CACNA2D1: variants seen among roughly 807,000 people sequenced by gnomAD.
The protein encoded by CACNA2D1 is voltage-dependent calcium channel subunit alpha-2/delta-1.
A neutral mutation model predicts 171.5 loss-of-function variants in CACNA2D1; 53 were observed. That is an observed-to-expected ratio of 0.31 (90% CI 0.25 to 0.39). CACNA2D1 has a LOEUF of 0.39. CACNA2D1 is among the 10% of genes least tolerant of loss of function. CACNA2D1 has a pLI of 1.00. For synonymous variants in CACNA2D1, 442 were observed against 443.1 expected (o/e 1.00, Z 0.03); for missense variants, 903 against 1,299.8 (o/e 0.69, Z 4.69).
intron 6 of CACNA2D1, among the ~76,000 whole-genome samples, chr7:82,096,006 T>C (rs1425704954): frequency 6.6e-6 from 1 of 152,236 alleles, no homozygotes; most frequent in East Asian, 1.9e-4. Context: ...TGAAGCTTCT[T>C]GTTAAGTATT....
At chr7:82,225,265 A>T (rs139011041) in intron 3 of CACNA2D1, among the ~76,000 whole-genome samples, 13 of 152,344 alleles carry the variant, frequency 8.5e-5, no homozygotes, top group African/African-American at 2.9e-4. Flanking sequence ...GTAGAAATTA[A>T]GAACTAGGTT....
rs983597469 is a variant in CACNA2D1, at chr7:82,240,890, C to A, written c.295-70281G>T. On this transcript the variant is annotated intron_variant, in intron 3 of 38. Transcript: ENST00000356860. Reference sequence around the variant, plus strand: ...GCTGAGGCAGGAGAATCACTTGAACCCGAGAGGTGGAGGTTGCAGTGAGCC... The same window carrying A: ...GCTGAGGCAGGAGAATCACTTGAACACGAGAGGTGGAGGTTGCAGTGAGCC... Among the ~76,000 whole-genome samples, 3 of 151,998 alleles carry A rather than the reference C, an allele frequency of 2.0e-5. No homozygotes were observed. In the East Asian group the frequency reaches 5.8e-4, roughly 29 times the overall value.
At chr7:82,397,156 T>C (rs1338870045) in intron 1 of CACNA2D1, among the ~76,000 whole-genome samples, 1 of 152,138 alleles carries the variant, frequency 6.6e-6, no homozygotes, top group Non-Finnish European at 1.5e-5. Flanking sequence ...CTAACTCGCT[T>C]TCCCCAAAAG....
intron 25 of CACNA2D1, among the ~76,000 whole-genome samples, chr7:81,974,057 T>C (rs1795579050): frequency 6.6e-6 from 1 of 151,980 alleles, no homozygotes; most frequent in African/African-American, 2.4e-5. Context: ...ATTCTACCCA[T>C]ATTAAAACTC....
intron 3 of CACNA2D1, among the ~76,000 whole-genome samples, chr7:82,332,145 C>T (rs1219028949): frequency 6.6e-6 from 1 of 152,162 alleles, no homozygotes; most frequent in Non-Finnish European, 1.5e-5. Context: ...ACTGCATCCT[C>T]TGCCTCCCGA....
intron 1 of CACNA2D1, among the ~76,000 whole-genome samples, chr7:82,367,351 T>C (rs1821854659): frequency 6.6e-6 from 1 of 152,132 alleles, no homozygotes; most frequent in African/African-American, 2.4e-5. Flanking sequence ...TAACAGTGTC[T>C]GCTCTTTTTT....
In CACNA2D1 at chr7:81,948,013, C is replaced by T. The variant is rs1008429583; in HGVS notation, c.*2379G>A. Reference sequence around the variant, plus strand: ...TGCCAAGAGATGCCAAGTTTAACCGCGATTAATACAATAACAATGTAATTG... The same window carrying T: ...TGCCAAGAGATGCCAAGTTTAACCGTGATTAATACAATAACAATGTAATTG... On this transcript the variant is annotated 3_prime_UTR_variant, in exon 39 of 39. Transcript: ENST00000356860. The T allele has an allele frequency of 1.3e-5, 2 of 151,558 alleles. No homozygotes were observed. Among genetic ancestry groups the T allele is most frequent in the Non-Finnish European group, 3.0e-5 (2 of 67,776 alleles). The allele number at this position is 151,558 out of a possible 1,614,324, so 9.4% of individuals were successfully genotyped here.
At chr7:82,238,904 A>G (rs1310733026) in intron 3 of CACNA2D1, among the ~76,000 whole-genome samples, 1 of 152,086 alleles carries the variant, frequency 6.6e-6, no homozygotes, top group Non-Finnish European at 1.5e-5. Flanking sequence ...CCTTCATTTT[A>G]TTATTCTCAA....
chr7:82,388,783 C>T (rs1385757892), intron 1 of CACNA2D1, among the ~76,000 whole-genome samples: 2 of 152,068 alleles, frequency 1.3e-5, no homozygotes, highest in Non-Finnish European at 2.9e-5. Context: ...ACTTTTATTT[C>T]CAGAACAAAA....
chr7:82,443,408 G>C lies in CACNA2D1; in HGVS notation c.52C>G (p.Leu18Val). 6.2e-7 allele frequency: 1 copy of C among 1,606,744 alleles called. No individual in the cohort carries two copies. Among genetic ancestry groups the C allele is most frequent in the South Asian group, 1.1e-5 (1 of 90,406 alleles). ...GGCTCCTCCGACGAGGGGCCGATGA[G>C]CAAAGATTGGAAAAGTGTCAGAGTC... is the stretch of plus-strand genomic sequence containing the variant. The part of the protein sequence containing the change: ...ALTLTLFQSL[L>V]IGPSSEEPFP... The change falls in exon 1 of 39, where the codon CTC becomes GTC. Residue 18 changes from leucine (L) to valine (V), a missense_variant. By Grantham distance (32) the Leu-to-Val change is conservative. Coordinates refer to ENST00000356860, the MANE Select transcript of CACNA2D1 (RefSeq NM_000722.4).
At chr7:82,092,306 A>G (rs141340373) in intron 6 of CACNA2D1, among the ~76,000 whole-genome samples, 2,709 of 152,278 alleles carry the variant, frequency 0.018, 31 homozygotes, top group Middle Eastern at 0.048. Context: ...AATTTGTAAA[A>G]TAAAGTAGAA....
Position 81,970,988 on chromosome 7 carries a change from G to C in CACNA2D1, c.2142-251C>G, listed in dbSNP as rs1392247536. 6.3e-6 allele frequency: 3 copies of C among 479,546 alleles called. No homozygotes were observed. In the East Asian group the frequency reaches 1.2e-4, roughly 19 times the overall value. The allele number at this position is 479,546 out of a possible 1,614,324, so 29.7% of individuals were successfully genotyped here. A position where few individuals can be genotyped will look rare whatever the true frequency, so the allele number is the denominator to read the frequency against. ...AGTATGAATTGACAGCAATGACACA[G>C]AAAGCAGGAAGGTATCACTTGTAGA... is the stretch of plus-strand genomic sequence containing the variant. On this transcript the variant is annotated intron_variant, in intron 26 of 38. Coordinates refer to ENST00000356860, the MANE Select transcript of CACNA2D1 (RefSeq NM_000722.4).
intron 3 of CACNA2D1, among the ~76,000 whole-genome samples, chr7:82,204,392 G>A (rs1799803369): frequency 6.6e-6 from 1 of 152,188 alleles, no homozygotes; most frequent in African/African-American, 2.4e-5. Flanking sequence ...ACCTAGGGGA[G>A]GAAGGATGAC....
chr7:82,338,923 G>A (rs1392314728), intron 2 of CACNA2D1, among the ~76,000 whole-genome samples: 2 of 152,166 alleles, frequency 1.3e-5, no homozygotes, highest in African/African-American at 4.8e-5. Flanking sequence ...AAAGTGGGAA[G>A]CAGACACCCA....
At chr7:82,265,339 G>A (rs891662621) in intron 3 of CACNA2D1, among the ~76,000 whole-genome samples, 5 of 150,352 alleles carry the variant, frequency 3.3e-5, no homozygotes, top group African/African-American at 1.2e-4. Context: ...TTTTCCTAAA[G>A]CAAGCAAACC....
At chr7:82,018,380 A>C (rs564847714) in intron 12 of CACNA2D1, among the ~76,000 whole-genome samples, 2 of 152,300 alleles carry the variant, frequency 1.3e-5, no homozygotes, top group East Asian at 3.9e-4. Flanking sequence ...GTGTTATCCA[A>C]CATATCAGTA....
intron 1 of CACNA2D1, among the ~76,000 whole-genome samples, chr7:82,436,235 A>T (rs2129459427): frequency 6.6e-6 from 1 of 152,356 alleles, no homozygotes; most frequent in South Asian, 2.1e-4. Flanking sequence ...AAATTAAAAC[A>T]ACTTCAAAAA....
chr7:82,240,841 C>T lies in CACNA2D1; in HGVS notation c.295-70232G>A, dbSNP rs553665790. 1.9e-4 allele frequency among the ~76,000 whole-genome samples: 29 copies of T among 152,128 alleles called. No individual in the cohort carries two copies. In the South Asian group the frequency reaches 6.0e-3, roughly 32 times the overall value. On this transcript the variant is annotated intron_variant, in intron 3 of 38. Transcript: ENST00000356860. ...AATTAGCTGGGTGTGGTAGTGCACG[C>T]CTGTAGCTCCAGCTACTCGTGAGGC... is the stretch of plus-strand genomic sequence containing the variant.
chr7:82,397,249 T>C (rs1470820478), intron 1 of CACNA2D1, among the ~76,000 whole-genome samples: 4 of 152,168 alleles, frequency 2.6e-5, no homozygotes, highest in African/African-American at 7.2e-5. Context: ...ACCTGTATCA[T>C]TGTATTTGTA....
Sources: gnomAD v4.1 joint callset for allele counts (sites outside exome capture counted in the v4.1 genomes callset) on GRCh38, gnomAD v4.1.1 for gene constraint, MANE v1.5 for transcripts, NCBI Gene and HGNC (gene_info 2026-07-23, HGNC 2026-07-21) for gene names.